MARCHF8: variants seen among roughly 807,000 people sequenced by gnomAD.
The protein encoded by MARCHF8 is membrane associated ring-CH-type finger 8.
In MARCHF8, 40 loss-of-function variants were observed where a neutral mutation model predicts 51.6. That is an observed-to-expected ratio of 0.77 (90% CI 0.60 to 1.01). The LOEUF (loss-of-function observed/expected upper bound fraction) is 1.01, where lower values mean the gene tolerates loss of function less well. MARCHF8 is among the 50% of genes least tolerant of loss of function. The probability of loss-of-function intolerance (pLI) is 0.00; values close to 1 mark genes in which losing one functional copy is unlikely to be tolerated. For missense variants in MARCHF8, 685 were observed against 708.6 expected (o/e 0.97, Z 0.38); for synonymous variants, 263 against 280.3 (o/e 0.94, Z 0.62).
Position 45,543,961 on chromosome 10 carries a change from G to A in MARCHF8, c.-78-10672C>T, listed in dbSNP as rs191973759. Among the ~76,000 whole-genome samples the A allele has an allele frequency of 3.2e-4, 49 of 152,044 alleles. No homozygotes were observed. In the East Asian group the frequency reaches 4.4e-3, roughly 14 times the overall value. On this transcript the variant is annotated intron_variant, in intron 1 of 6. Transcript: ENST00000319836. ...TATGTGCCTGTAGTCCTAGCTATTCGGGAAGCTGAGGCAAGAGGGTCGTTT... is the reference window on the plus strand; with the variant it reads ...TATGTGCCTGTAGTCCTAGCTATTCAGGAAGCTGAGGCAAGAGGGTCGTTT...
At chr10:45,465,853 T>G (rs1227042867) in intron 3 of MARCHF8, among the ~76,000 whole-genome samples, 5 of 152,240 alleles carry the variant, frequency 3.3e-5, no homozygotes, top group Admixed American at 1.3e-4. Flanking sequence ...ACACGGTCTT[T>G]AAAAGCATTA....
chr10:45,508,643 C>T (rs1416029925), intron 2 of MARCHF8, among the ~76,000 whole-genome samples: 4 of 152,182 alleles, frequency 2.6e-5, no homozygotes, highest in South Asian at 4.1e-4. Context: ...AAGCTTAGGA[C>T]CCACTCCAGA....
intron 1 of MARCHF8, among the ~76,000 whole-genome samples, chr10:45,561,464 G>A (rs554074713): frequency 4.6e-5 from 7 of 151,306 alleles, no homozygotes; most frequent in South Asian, 2.1e-4. Flanking sequence ...TAGTGGAGAC[G>A]GGGTTTCACC....
chr10:45,547,273 T>A (rs572195488), intron 1 of MARCHF8, among the ~76,000 whole-genome samples: 72 of 152,280 alleles, frequency 4.7e-4, no homozygotes, highest in African/African-American at 1.7e-3. Context: ...CATTTGTAAA[T>A]CTTAAGTATT....
At position 45,463,165 on chromosome 10, in the gene MARCHF8, T is replaced by C; in HGVS notation, c.1074A>G (p.Ser358=). Reference sequence around the variant, plus strand: ...GGCAAACCAACCTGCAGACATCCCCTGACGTGGACACGGGAGATATGGGGG... The same window carrying C: ...GGCAAACCAACCTGCAGACATCCCCCGACGTGGACACGGGAGATATGGGGG... ...KLPPISPVST[S]GDVCRICHCE... The change falls in exon 5 of 8, where the codon TCA becomes TCG. Residue 358 remains serine, a synonymous_variant. Coordinates refer to ENST00000453424, the MANE Select transcript of MARCHF8 (RefSeq NM_001282866.2). The C allele has an allele frequency of 6.5e-7, 1 of 1,550,014 alleles. No individual in the cohort carries two copies. The highest frequency in any genetic ancestry group is 2.4e-5 in the East Asian group (1 of 40,912).
intron 1 of MARCHF8, among the ~76,000 whole-genome samples, chr10:45,568,997 G>A (rs189753120): frequency 0.036 from 5,428 of 149,842 alleles, 144 homozygotes; most frequent in Non-Finnish European, 0.052. Context: ...CCCGGGAGGC[G>A]GAGCTTGCAG....
At chr10:45,544,005 C>A (rs761601502) in intron 1 of MARCHF8, among the ~76,000 whole-genome samples, 6 of 151,842 alleles carry the variant, frequency 4.0e-5, no homozygotes, top group Non-Finnish European at 8.8e-5. Context: ...GTGTTCGAGG[C>A]TACAGTGAGC....
chr10:45,526,937 C>G (rs2043803880), intron 2 of MARCHF8, among the ~76,000 whole-genome samples: 1 of 152,076 alleles, frequency 6.6e-6, no homozygotes, highest in Non-Finnish European at 1.5e-5. Flanking sequence ...TCTCAGACTA[C>G]AGTGGAAAAA....
intron 2 of MARCHF8, among the ~76,000 whole-genome samples, chr10:45,530,622 G>GA (rs1345666057): frequency 6.6e-6 from 1 of 152,004 alleles, no homozygotes; most frequent in Non-Finnish European, 1.5e-5. Context: ...TCTACAAAAT[G>GA]AAAGAAAAAC....
chr10:45,473,092 C>T (rs567237501), intron 3 of MARCHF8, among the ~76,000 whole-genome samples: 4 of 152,140 alleles, frequency 2.6e-5, no homozygotes, highest in South Asian at 2.1e-4. Flanking sequence ...TCTGCCCTCG[C>T]GTAATAAAAG....
At position 45,455,547 on chromosome 10, in the gene MARCHF8, G is replaced by A. The variant is rs1027545401; in HGVS notation, c.*2692C>T. 6 of 152,190 alleles carry A rather than the reference G, an allele frequency of 3.9e-5. No individual in the cohort carries two copies. The highest frequency in any genetic ancestry group is 1.4e-4 in the African/African-American group (6 of 41,388). The allele number at this position is 152,190 out of a possible 1,614,324, so 9.4% of individuals were successfully genotyped here. ...CACTAAACCCAGGTGCAAAATGGGG[G>A]GGGAAGGGGGGAAGCTGGGGAGTAC... is the stretch of plus-strand genomic sequence containing the variant. On this transcript the variant is annotated 3_prime_UTR_variant, in exon 8 of 8. Coordinates refer to ENST00000453424, the MANE Select transcript of MARCHF8 (RefSeq NM_001282866.2).
At chr10:45,511,168 G>A (rs2043493247) in intron 2 of MARCHF8, among the ~76,000 whole-genome samples, 1 of 152,116 alleles carries the variant, frequency 6.6e-6, no homozygotes. Flanking sequence ...TTCTGAATAT[G>A]AAGTAAGGGT....
chr10:45,468,326 T>C (rs183512174), intron 3 of MARCHF8, among the ~76,000 whole-genome samples: 1 of 152,322 alleles, frequency 6.6e-6, no homozygotes, highest in East Asian at 1.9e-4. Flanking sequence ...ACCCAGTTGA[T>C]AGTGCACACA....
At chr10:45,510,049 A>G (rs1290208520) in intron 2 of MARCHF8, among the ~76,000 whole-genome samples, 1 of 152,192 alleles carries the variant, frequency 6.6e-6, no homozygotes, top group African/African-American at 2.4e-5. Context: ...AGAAGACAGA[A>G]TGGGATAGAG....
At chr10:45,532,995 T>C (rs1278695352) in intron 2 of MARCHF8, 115 bp downstream of exon 2, 1 of 690,436 alleles carries the variant, frequency 1.4e-6, no homozygotes, top group Non-Finnish European at 2.1e-6. Context: ...ATTTGTGTGC[T>C]TGTCAGTATA....
At chr10:45,548,514 T>G (rs188306956) in intron 1 of MARCHF8, among the ~76,000 whole-genome samples, 1 of 152,136 alleles carries the variant, frequency 6.6e-6, no homozygotes, top group Admixed American at 6.5e-5. Flanking sequence ...TTCTGAAAGA[T>G]TTTGCATCTC....
chr10:45,553,770 T>C (rs1436098476), intron 1 of MARCHF8, among the ~76,000 whole-genome samples: 2 of 152,152 alleles, frequency 1.3e-5, no homozygotes, highest in African/African-American at 2.4e-5. Flanking sequence ...CATAGTGTGC[T>C]ACCATTCACC....
chr10:45,530,715 G>A (rs76805415), intron 2 of MARCHF8, among the ~76,000 whole-genome samples: 9,395 of 152,238 alleles, frequency 0.062, 333 homozygotes, highest in Non-Finnish European at 0.067. Flanking sequence ...CGTGGCTGCG[G>A]TATGCTGTGA....
At chr10:45,562,963 C>A (rs558120446) in intron 1 of MARCHF8, among the ~76,000 whole-genome samples, 85 of 150,958 alleles carry the variant, frequency 5.6e-4, no homozygotes, top group Non-Finnish European at 3.8e-4. Flanking sequence ...TTTTTTAAAC[C>A]AAACATAGAT....
Sources: allele counts gnomAD v4.1 joint callset (sites outside exome capture counted in the v4.1 genomes callset), GRCh38; gene constraint gnomAD v4.1.1; transcripts MANE v1.5; gene names NCBI Gene and HGNC (gene_info 2026-07-23, HGNC 2026-07-21).